Variants in OPCML observed in about 807,000 individuals in gnomAD.
OPCML encodes the protein opioid binding protein/cell adhesion molecule like.
OPCML carries 13 observed loss-of-function variants against 37.8 expected under a neutral mutation model. The observed-to-expected ratio is 0.34, with a 90% CI of 0.22 to 0.55. The LOEUF (loss-of-function observed/expected upper bound fraction) is 0.55. OPCML is among the 20% of genes least tolerant of loss of function. The pLI, the probability that OPCML is intolerant of heterozygous loss-of-function variation, is 0.91. For missense variants in OPCML, 341 were observed against 435.6 expected, an observed-to-expected ratio of 0.78 and a Z score of 1.93; for synonymous variants, 176 against 168.8, an observed-to-expected ratio of 1.04 and a Z score of -0.33.
At chr11:132,796,834 G>T (rs564816480) in intron 2 of OPCML, among the ~76,000 whole-genome samples, 1 of 152,144 alleles carries the variant, frequency 6.6e-6, no homozygotes, top group Non-Finnish European at 1.5e-5. Flanking sequence ...GTGATAGTGA[G>T]TGTGAAATGG....
intron 2 of OPCML, among the ~76,000 whole-genome samples, chr11:132,657,604 C>T (rs1000782511): frequency 6.6e-6 from 1 of 152,102 alleles, no homozygotes; most frequent in Non-Finnish European, 1.5e-5. Flanking sequence ...TCCCCATAGG[C>T]TTATATGAAA....
At chr11:132,977,930 T>C (rs970485576) in intron 1 of OPCML, among the ~76,000 whole-genome samples, 2 of 152,082 alleles carry the variant, frequency 1.3e-5, no homozygotes, top group African/African-American at 2.4e-5. Flanking sequence ...AACATCAGGA[T>C]TGGATACAGA....
At chr11:133,168,460 A>G (rs1190055940) in intron 1 of OPCML, among the ~76,000 whole-genome samples, 2 of 152,176 alleles carry the variant, frequency 1.3e-5, no homozygotes, top group East Asian at 1.9e-4. Context: ...CCAATGTTCA[A>G]TGGTGTTTTG....
chr11:133,512,575 C>A (rs571465554), intron 1 of OPCML, among the ~76,000 whole-genome samples: 5 of 152,166 alleles, frequency 3.3e-5, no homozygotes, highest in Non-Finnish European at 7.4e-5. Context: ...CCCCTATTCC[C>A]AAATCTCAGG....
chr11:133,343,729 A>C (rs1423374064), intron 1 of OPCML, among the ~76,000 whole-genome samples: 2 of 152,200 alleles, frequency 1.3e-5, no homozygotes, highest in East Asian at 3.9e-4. Flanking sequence ...GGATACTTAA[A>C]ATAAAATTCA....
chr11:132,489,110 C>G (rs566445576), intron 4 of OPCML, among the ~76,000 whole-genome samples: 1 of 152,286 alleles, frequency 6.6e-6, no homozygotes, highest in African/African-American at 2.4e-5. Flanking sequence ...ATTCCTTAAG[C>G]TTTTTCCAAT....
At chr11:133,478,741 T>C (rs1947302598) in intron 1 of OPCML, among the ~76,000 whole-genome samples, 2 of 152,192 alleles carry the variant, frequency 1.3e-5, no homozygotes, top group African/African-American at 4.8e-5. Context: ...GAAACACTAT[T>C]GTGAGGTTTC....
At chr11:133,276,692 C>A (rs1028349739) in intron 1 of OPCML, among the ~76,000 whole-genome samples, 1 of 152,150 alleles carries the variant, frequency 6.6e-6, no homozygotes, top group Non-Finnish European at 1.5e-5. Context: ...CTCGATCTCT[C>A]TGGAGTATCT....
chr11:133,519,327 T>C (rs139049370), intron 1 of OPCML, among the ~76,000 whole-genome samples: 426 of 152,320 alleles, frequency 2.8e-3, no homozygotes, highest in African/African-American at 9.7e-3. Flanking sequence ...ATTAACATAT[T>C]TTTATGCATT....
At chr11:132,817,989 G>A (rs1016225884) in intron 2 of OPCML, among the ~76,000 whole-genome samples, 1 of 152,294 alleles carries the variant, frequency 6.6e-6, no homozygotes, top group Admixed American at 6.5e-5. Context: ...GTTGACATCT[G>A]ATAGAAGAGG....
At chr11:133,401,513 T>A (rs573666625) in intron 1 of OPCML, among the ~76,000 whole-genome samples, 1 of 152,232 alleles carries the variant, frequency 6.6e-6, no homozygotes, top group South Asian at 2.1e-4. Context: ...AGAGCTGCAG[T>A]CTGAAAGTGG....
At chr11:133,154,219 TAAA>T (rs35932575) in intron 1 of OPCML, among the ~76,000 whole-genome samples, 4 of 144,538 alleles carry the variant, frequency 2.8e-5, no homozygotes, top group Non-Finnish European at 6.1e-5. Context: ...TGCTTCTGAT[TAAA>T]AAAAAAAAAA....
intron 7 of OPCML, among the ~76,000 whole-genome samples, chr11:132,433,206 T>C (rs753972965): frequency 2.6e-5 from 4 of 152,174 alleles, no homozygotes; most frequent in Non-Finnish European, 4.4e-5. Context: ...GGCGATAGCA[T>C]GGGCCATGTC....
chr11:132,705,111 G>A (rs927317707), intron 2 of OPCML, among the ~76,000 whole-genome samples: 1 of 152,172 alleles, frequency 6.6e-6, no homozygotes, highest in East Asian at 1.9e-4. Flanking sequence ...ATTAAAAGGG[G>A]TGATATAGTT....
Position 133,458,270 on chromosome 11 carries a change from A to G in OPCML, c.61+73994T>C, listed in dbSNP as rs527807042. 6.8e-4 allele frequency among the ~76,000 whole-genome samples: 48 copies of G among 70,802 alleles called. 2 individuals carry two copies. The highest frequency in any genetic ancestry group is 5.1e-3 in the African/African-American group (36 of 7,022). 46.4% of individuals were successfully genotyped at this position (70,802 alleles called of 152,430 possible). On this transcript the variant is annotated intron_variant, in intron 1 of 7. Transcript: ENST00000524381. ...CACATATATATACACGTGTGTGTAT[A>G]TATACACACATATATACACGTGTGT...
chr11:133,437,968 A>G (rs1399842330), intron 1 of OPCML, among the ~76,000 whole-genome samples: 2 of 152,132 alleles, frequency 1.3e-5, no homozygotes, highest in East Asian at 3.9e-4. Flanking sequence ...TAAATACTTC[A>G]GGGAAAAAAA....
intron 1 of OPCML, chr11:133,004,350 T>G: frequency 1.0e-6 from 1 of 985,456 alleles, no homozygotes; most frequent in South Asian, 4.7e-5. Flanking sequence ...TCCTGTAGTG[T>G]TGATGTTTTA....
At chr11:132,543,367 G>T (rs555471919) in intron 3 of OPCML, among the ~76,000 whole-genome samples, 2 of 152,066 alleles carry the variant, frequency 1.3e-5, no homozygotes, top group South Asian at 4.2e-4. Flanking sequence ...CACACACACA[G>T]CCAGGCATGG....
At chr11:132,595,453 C>T (rs1050825898) in intron 3 of OPCML, among the ~76,000 whole-genome samples, 5 of 151,948 alleles carry the variant, frequency 3.3e-5, no homozygotes, top group Admixed American at 6.6e-5. Context: ...TACCACAACA[C>T]TTTTACTTTC....
Sources: allele counts gnomAD v4.1 joint callset (sites outside exome capture counted in the v4.1 genomes callset), GRCh38; gene constraint gnomAD v4.1.1; transcripts MANE v1.5; gene names NCBI Gene and HGNC (gene_info 2026-07-23, HGNC 2026-07-21).